Variants in CHST8 observed in about 807,000 individuals in gnomAD.
CHST8 encodes the protein carbohydrate sulfotransferase 8.
A neutral mutation model predicts 15.0 loss-of-function variants in CHST8; 10 were observed. The ratio of observed to expected loss-of-function variants is 0.67; its 90% CI spans 0.41 to 1.13. CHST8 has a LOEUF of 1.13. Among genes scored for constraint, CHST8 ranks in the 50% most tolerant of loss-of-function variants. The probability of loss-of-function intolerance (pLI) is 0.00; values close to 1 mark genes in which losing one functional copy is unlikely to be tolerated. For synonymous variants in CHST8, 259 were observed against 256.6 expected, an observed-to-expected ratio of 1.01 and a Z score of -0.09; for missense variants, 634 against 608.2, an observed-to-expected ratio of 1.04 and a Z score of -0.45.
At chr19:33,668,082 C>G (rs376968520) in intron 2 of CHST8, among the ~76,000 whole-genome samples, 2 of 152,158 alleles carry the variant, frequency 1.3e-5, no homozygotes, top group African/African-American at 4.8e-5. Flanking sequence ...ATGCGTCAGA[C>G]AGCACATCTG....
Position 33,773,432 on chromosome 19 carries a change from G to A in CHST8, c.*369G>A, listed in dbSNP as rs1466276524. On this transcript the variant is annotated 3_prime_UTR_variant, in exon 5 of 5. Transcript: ENST00000650847. ...CCATTGCCTTGGACCAAACCACGTG[G>A]TTTGCAGCTTTTCTACGAGCCAGGG... The A allele has an allele frequency of 1.3e-5, 3 of 237,666 alleles. No individual in the cohort carries two copies. Among genetic ancestry groups the A allele is most frequent in the Non-Finnish European group, 1.6e-5 (2 of 122,100 alleles). The allele number at this position is 237,666 out of a possible 1,614,324, so 14.7% of individuals were successfully genotyped here.
chr19:33,759,354 C>T (rs371317875), intron 3 of CHST8, among the ~76,000 whole-genome samples: 2 of 152,226 alleles, frequency 1.3e-5, no homozygotes, highest in Admixed American at 1.3e-4. Flanking sequence ...GTGGTCACCA[C>T]GTGCCATGTC....
intron 2 of CHST8, among the ~76,000 whole-genome samples, chr19:33,680,001 G>C (rs1464517763): frequency 6.6e-6 from 1 of 152,130 alleles, no homozygotes; most frequent in Non-Finnish European, 1.5e-5. Flanking sequence ...ACTCCGACAG[G>C]CTGAATCCAC....
intron 1 of CHST8, among the ~76,000 whole-genome samples, chr19:33,623,186 C>T (rs1165812716): frequency 6.6e-6 from 1 of 152,200 alleles, no homozygotes. Context: ...GGCCCGCGAC[C>T]CCGACCCGGA....
At chr19:33,703,690 A>G (rs1171288126) in intron 3 of CHST8, among the ~76,000 whole-genome samples, 1 of 152,192 alleles carries the variant, frequency 6.6e-6, no homozygotes, top group Admixed American at 6.5e-5. Context: ...CCTTCTCACA[A>G]TATTTGCAGA....
At position 33,765,161 on chromosome 19, in the gene CHST8, AGAG is replaced by A. The variant is rs944822339; in HGVS notation, c.131-6248_131-6246del. On this transcript the variant is annotated intron_variant, in intron 3 of 4. Transcript: ENST00000650847. ...TAATATGACTGGTGTCCTTATAAGA[AGAG>A]GAGAAGAGACACACGTGTGCAACAG... 1.8e-4 allele frequency among the ~76,000 whole-genome samples: 27 copies of A among 151,210 alleles called. No individual in the cohort carries two copies. The South Asian group carries it at 5.2e-3, about 29-fold the overall frequency.
chr19:33,719,853 C>G (rs578243479), intron 3 of CHST8, among the ~76,000 whole-genome samples: 1 of 152,248 alleles, frequency 6.6e-6, no homozygotes, highest in South Asian at 2.1e-4. Flanking sequence ...CAGCAGCTCT[C>G]TTGAAGGCCA....
chr19:33,728,974 G>A (rs1419948489), intron 3 of CHST8, among the ~76,000 whole-genome samples: 2 of 152,218 alleles, frequency 1.3e-5, no homozygotes, highest in Admixed American at 1.3e-4. Flanking sequence ...TGCGGGATGG[G>A]CTTGGAATAA....
intron 3 of CHST8, among the ~76,000 whole-genome samples, chr19:33,736,750 T>C (rs1179554238): frequency 1.3e-5 from 2 of 152,180 alleles, no homozygotes; most frequent in African/African-American, 4.8e-5. Flanking sequence ...TACCCCATAC[T>C]GCAGACGTTG....
At chr19:33,702,548 A>C (rs1973360965) in intron 3 of CHST8, among the ~76,000 whole-genome samples, 1 of 152,226 alleles carries the variant, frequency 6.6e-6, no homozygotes, top group Non-Finnish European at 1.5e-5. Context: ...ATTTCAGTCC[A>C]ACTGGAAAAC....
At position 33,663,028 on chromosome 19, in the gene CHST8, C is replaced by T. The variant is rs73926576; in HGVS notation, c.-163-4739C>T. 9.1e-3 allele frequency among the ~76,000 whole-genome samples: 1,387 copies of T among 152,212 alleles called. 16 individuals are homozygous for T. The highest frequency in any genetic ancestry group is 0.031 in the African/African-American group (1,296 of 41,516). ...AAGGCTCAGGGTCACACAAAGACCC[C>T]GTGATGGTGTCTGTGTTGTAGAGGA... On this transcript the variant is annotated intron_variant, in intron 1 of 4. Coordinates refer to ENST00000650847, the MANE Select transcript of CHST8 (RefSeq NM_001127895.2).
chr19:33,771,463 A>G lies in CHST8; in HGVS notation c.168+13A>G. 6.2e-7 allele frequency: 1 copy of G among 1,613,822 alleles called. No homozygotes were observed. The highest frequency in any genetic ancestry group is 8.5e-7 in the Non-Finnish European group (1 of 1,179,736). On this transcript the variant is annotated intron_variant, in intron 4 of 4. Coordinates refer to ENST00000650847, the MANE Select transcript of CHST8 (RefSeq NM_001127895.2). ...GCAGCCCCACCACGTAAGTTCTGAG[A>G]GTCAGATAAATCTCAGTGCACACAG...
chr19:33,625,372 C>A (rs1021625410), intron 1 of CHST8, among the ~76,000 whole-genome samples: 1 of 151,776 alleles, frequency 6.6e-6, no homozygotes, highest in African/African-American at 2.4e-5. Flanking sequence ...TGAGCTACCG[C>A]GCCCCGCATG....
At chr19:33,695,821 CTT>C (rs55695414) in intron 3 of CHST8, among the ~76,000 whole-genome samples, 5 of 76,224 alleles carry the variant, frequency 6.6e-5, no homozygotes, top group Non-Finnish European at 1.3e-4. Flanking sequence ...TTCTTTCTTT[CTT>C]TTTTTTTTTT....
chr19:33,682,187 GTTTTTTTTTT>G (rs869056900), intron 2 of CHST8, among the ~76,000 whole-genome samples: 1 of 95,292 alleles, frequency 1.0e-5, no homozygotes, highest in Non-Finnish European at 2.0e-5. Context: ...TTTTGTTGTT[GTTTTTTTTTT>G]TTTTTTTTTT....
At chr19:33,749,040 G>C (rs1358069878) in intron 3 of CHST8, among the ~76,000 whole-genome samples, 1 of 152,170 alleles carries the variant, frequency 6.6e-6, no homozygotes, top group Non-Finnish European at 1.5e-5. Flanking sequence ...GGTGGTGCCA[G>C]AGGGACAGCA....
intron 3 of CHST8, among the ~76,000 whole-genome samples, chr19:33,748,123 GC>G (rs1974348007): frequency 6.6e-6 from 1 of 152,214 alleles, no homozygotes; most frequent in Non-Finnish European, 1.5e-5. Context: ...CTCACCCAAA[GC>G]CAGGCTGTTC....
intron 2 of CHST8, among the ~76,000 whole-genome samples, chr19:33,683,612 G>A (rs765262074): frequency 6.6e-6 from 1 of 152,256 alleles, no homozygotes; most frequent in South Asian, 2.1e-4. Context: ...TAAAATTCCA[G>A]GTTCATGGAG....
intron 2 of CHST8, among the ~76,000 whole-genome samples, chr19:33,687,574 G>C (rs1973003726): frequency 1.3e-5 from 2 of 152,204 alleles, no homozygotes; most frequent in Admixed American, 1.3e-4. Context: ...GCACAGTCCA[G>C]ATAGCCCAGC....
Sources: gnomAD v4.1 joint callset for allele counts (sites outside exome capture counted in the v4.1 genomes callset) on GRCh38, gnomAD v4.1.1 for gene constraint, MANE v1.5 for transcripts, NCBI Gene and HGNC (gene_info 2026-07-23, HGNC 2026-07-21) for gene names.